The following PNKD variants were observed in gnomAD, a reference collection of about 807,000 sequenced individuals.
The protein encoded by PNKD is probable thioesterase PNKD.
PNKD carries 36 observed loss-of-function variants against 45.3 expected under a neutral mutation model. The observed-to-expected ratio is 0.80, with a 90% CI of 0.61 to 1.05. The LOEUF (loss-of-function observed/expected upper bound fraction) is 1.05. Ranked by LOEUF, PNKD falls within the 50% of genes least tolerant of loss-of-function variation. The probability of loss-of-function intolerance (pLI) is 0.00; values close to 1 mark genes in which losing one functional copy is unlikely to be tolerated. For synonymous variants in PNKD, 197 were observed against 210.1 expected (o/e 0.94, Z 0.54); for missense variants, 511 against 506.6 (o/e 1.01, Z -0.08).
intron 2 of PNKD, among the ~76,000 whole-genome samples, chr2:218,321,646 G>C (rs1217298336): frequency 4.0e-5 from 1 of 24,908 alleles, no homozygotes; most frequent in African/African-American, 1.7e-4. Flanking sequence ...TTTTTTTTTT[G>C]AGACGGAGTC....
In PNKD at chr2:218,345,307, A is replaced by C; in HGVS notation, c.*326A>C. The C allele has an allele frequency of 1.7e-5, 5 of 300,120 alleles. No individual in the cohort carries two copies. The highest frequency in any genetic ancestry group is 1.9e-5 in the Non-Finnish European group (3 of 159,084). The allele number at this position is 300,120 out of a possible 1,614,324, so 18.6% of individuals were successfully genotyped here. A position where few individuals can be genotyped will look rare whatever the true frequency, so the allele number is the denominator to read the frequency against. The stretch of plus-strand genomic sequence containing the variant: ...CTACTCCTGGGACGGCAGCAAGGAC[A>C]TGGGGGCTGCTGTTAGCTTCTCCGT... On this transcript the variant is annotated 3_prime_UTR_variant, in exon 10 of 10. Transcript: ENST00000273077.
intron 2 of PNKD, among the ~76,000 whole-genome samples, chr2:218,281,426 C>G (rs1237114552): frequency 6.6e-6 from 1 of 152,208 alleles, no homozygotes; most frequent in Non-Finnish European, 1.5e-5. Context: ...CGTGAGCCAC[C>G]GCGGCCGGCC....
At chr2:218,341,794 C>A in intron 6 of PNKD, 168 bp downstream of exon 6, 2 of 763,992 alleles carry the variant, frequency 2.6e-6, no homozygotes, top group Non-Finnish European at 4.6e-6. Context: ...CCCAACTGAT[C>A]CAGCCATAGT....
At chr2:218,275,624 G>C in intron 2 of PNKD, 2 of 1,608,730 alleles carry the variant, frequency 1.2e-6, no homozygotes, top group South Asian at 2.2e-5. Context: ...GCCAGGAACT[G>C]CAAGGATAGG....
intron 2 of PNKD, among the ~76,000 whole-genome samples, chr2:218,272,294 GGGA>G (rs2106178612): frequency 6.6e-6 from 1 of 152,328 alleles, no homozygotes; most frequent in South Asian, 2.1e-4. Context: ...GGCTCTAGGC[GGGA>G]GGAGGAAAGA....
intron 2 of PNKD, chr2:218,323,453 C>A: frequency 3.0e-6 from 4 of 1,338,198 alleles, no homozygotes; most frequent in Non-Finnish European, 3.9e-6. Context: ...GGCTCCGAAG[C>A]GTGCGGGCTC....
At chr2:218,275,257 C>A (rs1004747214) in intron 2 of PNKD, 6 of 496,124 alleles carry the variant, frequency 1.2e-5, no homozygotes, top group African/African-American at 9.9e-5. Flanking sequence ...CCCTGCCAAG[C>A]CCACCAAGAG....
intron 2 of PNKD, among the ~76,000 whole-genome samples, chr2:218,290,372 TAC>T (rs1398820798): frequency 1.3e-5 from 2 of 152,186 alleles, no homozygotes; most frequent in Admixed American, 6.5e-5. Context: ...ACCTTTGTAT[TAC>T]AGACACCCAA....
At chr2:218,289,367 C>T (rs535517219) in intron 2 of PNKD, among the ~76,000 whole-genome samples, 8 of 152,206 alleles carry the variant, frequency 5.3e-5, no homozygotes, top group Non-Finnish European at 1.2e-4. Flanking sequence ...AATGGCCAGG[C>T]GCGGTGGCTC....
chr2:218,270,910 G>C (rs2106176940), intron 1 of PNKD: 1 of 365,532 alleles, frequency 2.7e-6, no homozygotes, highest in South Asian at 9.2e-5. Context: ...CTGGAGGTTT[G>C]AGTTCCAGCC....
chr2:218,284,446 G>A (rs1368384279), intron 2 of PNKD, among the ~76,000 whole-genome samples: 3 of 152,260 alleles, frequency 2.0e-5, no homozygotes, highest in Non-Finnish European at 2.9e-5. Context: ...AGGGACTGTG[G>A]CAGCCACCGG....
intron 2 of PNKD, among the ~76,000 whole-genome samples, chr2:218,298,097 T>A (rs1179188474): frequency 6.6e-6 from 1 of 151,904 alleles, no homozygotes; most frequent in Non-Finnish European, 1.5e-5. Context: ...TGAAAGGCAG[T>A]GAGAAAGGCA....
chr2:218,344,020 C>G (rs1694757086), intron 8 of PNKD, among the ~76,000 whole-genome samples: 1 of 152,216 alleles, frequency 6.6e-6, no homozygotes, highest in African/African-American at 2.4e-5. Flanking sequence ...TTCATTCATT[C>G]ATTCATCAAG....
chr2:218,304,579 T>C (rs894243794), intron 2 of PNKD, among the ~76,000 whole-genome samples: 2 of 152,108 alleles, frequency 1.3e-5, no homozygotes, highest in Non-Finnish European at 2.9e-5. Context: ...TCTCTCAAGC[T>C]CTCCTCAGCT....
intron 2 of PNKD, chr2:218,276,005 T>C (rs564115462): frequency 1.2e-6 from 2 of 1,607,374 alleles, no homozygotes; most frequent in South Asian, 2.2e-5. Flanking sequence ...CTCCCCTTCC[T>C]AGAGTGGGGC....
chr2:218,342,093 A>T lies in PNKD; in HGVS notation c.730A>T (p.Lys244Ter). ...LVYLLDGEPY[K>*]GPSCLFSGDL... is the part of the protein sequence containing the mutation. ...CTACCTACTGGATGGGGAGCCCTAC[A>T]AGGGTCCCTCCTGCCTCTTCTCAGG... is the stretch of plus-strand genomic sequence containing the variant. The change falls in exon 7 of 10, where the codon AAG becomes TAG. Residue 244 changes from lysine to a stop codon, truncating the protein, a stop_gained. Transcript: ENST00000273077. LOFTEE classifies it high-confidence loss of function. 1 of 1,613,770 alleles carries T rather than the reference A, an allele frequency of 6.2e-7. No individual in the cohort carries two copies. The highest frequency in any genetic ancestry group is 8.5e-7 in the Non-Finnish European group (1 of 1,179,776).
intron 2 of PNKD, chr2:218,272,804 C>CA (rs773846161): frequency 6.8e-6 from 11 of 1,613,446 alleles, no homozygotes; most frequent in Non-Finnish European, 9.3e-6. Context: ...GTTAAGTCCT[C>CA]AGGTTTGGCC....
intron 2 of PNKD, chr2:218,275,603 G>T: frequency 6.2e-7 from 1 of 1,613,058 alleles, no homozygotes. Context: ...AGGACCAGCT[G>T]TGTGTCGTAA....
At chr2:218,277,600 T>A (rs1238094346) in intron 2 of PNKD, 1 of 1,614,096 alleles carries the variant, frequency 6.2e-7, no homozygotes, top group South Asian at 1.1e-5. Flanking sequence ...CAATACACAT[T>A]TCCCAAGAGT....
Sources: allele counts gnomAD v4.1 joint callset (sites outside exome capture counted in the v4.1 genomes callset), GRCh38; gene constraint gnomAD v4.1.1; transcripts MANE v1.5; gene names NCBI Gene and HGNC (gene_info 2026-07-23, HGNC 2026-07-21).